Variants in CYP26A1 observed in about 807,000 individuals in gnomAD.
CYP26A1 encodes the protein cytochrome P450 family 26 subfamily A member 1, also known as cytochrome P450 26A1.
In CYP26A1, 46 loss-of-function variants were observed where a neutral mutation model predicts 47.4. The observed-to-expected ratio is 0.97, with a 90% confidence interval of 0.77 to 1.24. CYP26A1 has a LOEUF of 1.24. CYP26A1 is among the 50% of genes most tolerant of loss of function. The probability of loss-of-function intolerance (pLI) is 0.00; values close to 1 mark genes in which losing one functional copy is unlikely to be tolerated. For synonymous variants in CYP26A1, 277 were observed against 263.7 expected, an observed-to-expected ratio of 1.05 and a Z score of -0.49; for missense variants, 680 against 644.4, an observed-to-expected ratio of 1.06 and a Z score of -0.60.
In CYP26A1 at chr10:93,074,077, C is replaced by T. The variant is rs1310797023; in HGVS notation, c.143C>T (p.Thr48Ile). Residue 48 changes from threonine to isoleucine, a missense_variant, in exon 1 of 7, where the codon ACT becomes ATT. By Grantham distance (89) the Thr-to-Ile change is moderately conservative. Transcript: ENST00000224356. This position sits in a 1 kb window ranked among gnomAD's most constrained non-coding sequence, Gnocchi z 5.3. ...TGTGCCCTCCCATTGCCCCCCGGGA[C>T]TATGGGCTTCCCCTTCTTTGGGGAA... ...RSCALPLPPG[T>I]MGFPFFGETL... 1.3e-5 allele frequency: 19 copies of T among 1,435,402 alleles called. No individual in the cohort carries two copies. The highest frequency in any genetic ancestry group is 3.4e-5 in the East Asian group (1 of 29,690). 88.9% of individuals were successfully genotyped at this position (1,435,402 alleles called of 1,614,324 possible).
rs771381364 is a variant in CYP26A1, at chr10:93,074,901, C to G, written c.537C>G (p.Pro179=). The G allele has an allele frequency of 5.0e-6, 8 of 1,613,182 alleles. No individual in the cohort carries two copies. The highest frequency in any genetic ancestry group is 3.3e-5 in the South Asian group (3 of 91,088). ...SCGERGLLVY[P]EVKRLMFRIA... is the part of the protein sequence containing the mutation. ...GCGAGCGCGGCCTCCTGGTCTACCCCGAGGTGAAGCGCCTCATGTTCCGAA... is the reference window on the plus strand; with the variant it reads ...GCGAGCGCGGCCTCCTGGTCTACCCGGAGGTGAAGCGCCTCATGTTCCGAA... Residue 179 remains proline (P), a synonymous_variant, in exon 3 of 7, where the codon CCC becomes CCG. Transcript: ENST00000224356. This position sits in a 1 kb window ranked among gnomAD's most constrained non-coding sequence, Gnocchi z 5.3.
At position 93,074,394 on chromosome 10, in the gene CYP26A1, G is replaced by A; in HGVS notation, c.276G>A (p.Met92Ile). ...HLFGRPTVRVMGADNVRRILL... is the reference protein window; with the variant it reads ...HLFGRPTVRVIGADNVRRILL... ...TCGGGCGGCCCACCGTACGGGTGAT[G>A]GGCGCGGACAATGTGCGGCGCATCT... Residue 92 changes from methionine (M) to isoleucine (I), a missense_variant, in exon 2 of 7, where the codon ATG becomes ATA. Transcript: ENST00000224356. This position sits in a 1 kb window ranked among gnomAD's most constrained non-coding sequence, Gnocchi z 5.3. 6.2e-7 allele frequency: 1 copy of A among 1,611,844 alleles called. No individual in the cohort carries two copies. The highest frequency in any genetic ancestry group is 8.5e-7 in the Non-Finnish European group (1 of 1,178,600).
chr10:93,076,027 C>T, intron 5 of CYP26A1, 67 bp downstream of exon 5: 2 of 1,282,688 alleles, frequency 1.6e-6, no homozygotes, highest in Admixed American at 1.7e-5. Context: ...TAGCCAACTT[C>T]CGAATAAGTC....
At chr10:93,076,417 C>T (rs1196700445) in intron 5 of CYP26A1, 127 bp from the exon 6 acceptor site, 2 of 641,132 alleles carry the variant, frequency 3.1e-6, no homozygotes, top group Non-Finnish European at 5.5e-6. Context: ...TGCTGTTTCC[C>T]CCTCCCAGTC....
rs770636107 is a variant in CYP26A1 at position 93,075,148 on chromosome 10, G to A, written c.706-1G>A. 6.2e-7 allele frequency: 1 copy of A among 1,613,236 alleles called. No individual in the cohort carries two copies. Among genetic ancestry groups the A allele is most frequent in the East Asian group, 2.2e-5 (1 of 44,882 alleles). On this transcript the variant is annotated splice_acceptor_variant, in intron 3 of 6. Coordinates refer to ENST00000224356, the MANE Select transcript of CYP26A1 (RefSeq NM_000783.4). LOFTEE classifies it high-confidence loss of function. ...CACCGCCGCGCGCTCTCTGCGCTCA[G>A]GGCATGAAGGCGCGGAACCTCATTC... is the stretch of plus-strand genomic sequence containing the variant.
rs749467557 is a variant in CYP26A1, at chr10:93,075,143, G to T, written c.706-6G>T. On this transcript the variant is annotated splice_polypyrimidine_tract_variant and splice_region_variant and intron_variant, in intron 3 of 6. Coordinates refer to ENST00000224356, the MANE Select transcript of CYP26A1 (RefSeq NM_000783.4). Reference sequence around the variant, plus strand: ...CTGCTCACCGCCGCGCGCTCTCTGCGCTCAGGGCATGAAGGCGCGGAACCT... The same window carrying T: ...CTGCTCACCGCCGCGCGCTCTCTGCTCTCAGGGCATGAAGGCGCGGAACCT... 11 of 1,612,750 alleles carry T rather than the reference G, an allele frequency of 6.8e-6. No homozygotes were observed. Among genetic ancestry groups the T allele is most frequent in the South Asian group, 4.4e-5 (4 of 91,028 alleles).
In CYP26A1 at chr10:93,073,976, C is replaced by A; in HGVS notation, c.42C>A (p.Phe14Leu). The A allele has an allele frequency of 2.1e-6, 3 of 1,454,658 alleles. No homozygotes were observed. The highest frequency in any genetic ancestry group is 1.1e-5 in the South Asian group (1 of 87,934). The allele number at this position is 1,454,658 out of a possible 1,614,324, so 90.1% of individuals were successfully genotyped here. A position where few individuals can be genotyped will look rare whatever the true frequency, so the allele number is the denominator to read the frequency against. ...PALLASALCT[F>L]VLPLLLFLAA... ...TGCTGGCCAGTGCGCTCTGCACCTT[C>A]GTGCTGCCGCTGCTGCTCTTCCTGG... The change falls in exon 1 of 7, where the codon TTC (phenylalanine) becomes TTA (leucine). Residue 14 changes from phenylalanine to leucine, a missense_variant. Coordinates refer to ENST00000224356, the MANE Select transcript of CYP26A1 (RefSeq NM_000783.4).
Position 93,075,146 on chromosome 10 carries a change from C to A in CYP26A1, c.706-3C>A, listed in dbSNP as rs1846960213. Reference sequence around the variant, plus strand: ...CTCACCGCCGCGCGCTCTCTGCGCTCAGGGCATGAAGGCGCGGAACCTCAT... The same window carrying A: ...CTCACCGCCGCGCGCTCTCTGCGCTAAGGGCATGAAGGCGCGGAACCTCAT... On this transcript the variant is annotated splice_polypyrimidine_tract_variant and splice_region_variant and intron_variant, in intron 3 of 6. Transcript: ENST00000224356. 1 of 1,612,782 alleles carries A rather than the reference C, an allele frequency of 6.2e-7. No individual in the cohort carries two copies. Among genetic ancestry groups the A allele is most frequent in the Non-Finnish European group, 8.5e-7 (1 of 1,179,590 alleles).
Position 93,073,986 on chromosome 10 carries a change from C to T in CYP26A1, c.52C>T (p.Leu18=). The part of the protein sequence containing the change: ...ASALCTFVLP[L]LLFLAAIKLW... ...TGCGCTCTGCACCTTCGTGCTGCCG[C>T]TGCTGCTCTTCCTGGCTGCGATCAA... The change falls in exon 1 of 7, where the codon CTG becomes TTG. Residue 18 remains leucine (L), a synonymous_variant. Transcript: ENST00000224356. 6.5e-7 allele frequency: 1 copy of T among 1,532,450 alleles called. No homozygotes were observed. The highest frequency in any genetic ancestry group is 9.0e-7 in the Non-Finnish European group (1 of 1,107,816). 94.9% of individuals were successfully genotyped at this position (1,532,450 alleles called of 1,614,324 possible).
In CYP26A1 at chr10:93,077,423, C is replaced by G. The variant is rs543997650; in HGVS notation, c.*119C>G. 1.1e-5 allele frequency: 5 copies of G among 437,736 alleles called. No individual in the cohort carries two copies. Among genetic ancestry groups the G allele is most frequent in the Middle Eastern group, 4.9e-4 (1 of 2,028 alleles). The allele number at this position is 437,736 out of a possible 1,614,324, so 27.1% of individuals were successfully genotyped here. A position where few individuals can be genotyped will look rare whatever the true frequency, so the allele number is the denominator to read the frequency against. On this transcript the variant is annotated 3_prime_UTR_variant, in exon 7 of 7. Coordinates refer to ENST00000224356, the MANE Select transcript of CYP26A1 (RefSeq NM_000783.4). ...ATATTATAATATTTATGTGTTTTGA[C>G]TATACTACCACAATCTTTAAATATT...
rs757020975 is a variant in CYP26A1 at position 93,074,277 on chromosome 10, C to G, written c.190-31C>G. On this transcript the variant is annotated intron_variant, in intron 1 of 6. Transcript: ENST00000224356. The surrounding 1 kb of genome is among the most constrained non-coding windows in gnomAD (Gnocchi z 5.3). ...CGGCGCTCCCCGGCGCCCCCTCATG[C>G]CCACTTCTCTCCTCCGCCTTCCTCC... is the stretch of plus-strand genomic sequence containing the variant. 2.0e-6 allele frequency: 3 copies of G among 1,538,030 alleles called. No individual in the cohort carries two copies. Among genetic ancestry groups the G allele is most frequent in the South Asian group, 2.2e-5 (2 of 89,446 alleles).
chr10:93,076,773 ATTC>A (rs1389641270), intron 6 of CYP26A1, 77 bp downstream of exon 6: 8 of 1,154,776 alleles, frequency 6.9e-6, no homozygotes, highest in Non-Finnish European at 1.0e-5. Flanking sequence ...TGTGGCTGCA[ATTC>A]TTATGCTTTT....
In CYP26A1 at chr10:93,077,502, C is replaced by T. The variant is rs1197528260; in HGVS notation, c.*198C>T. 3.7e-5 allele frequency: 13 copies of T among 352,332 alleles called. No homozygotes were observed. In the East Asian group the frequency reaches 5.8e-4, roughly 16 times the overall value. 21.8% of individuals were successfully genotyped at this position (352,332 alleles called of 1,614,324 possible). On this transcript the variant is annotated 3_prime_UTR_variant, in exon 7 of 7. Transcript: ENST00000224356. ...TAAAGTAAAATTTGAAGGTACTTTT[C>T]TGGTATTTTAAGATTCCTGTTGGGT...
At chr10:93,075,705 C>T in intron 4 of CYP26A1, 121 bp from the exon 5 acceptor site, 2 of 736,774 alleles carry the variant, frequency 2.7e-6, no homozygotes, top group Non-Finnish European at 4.7e-6. Context: ...CCTTGACTTT[C>T]TGTCAGCAAA....
rs772646102 is a variant in CYP26A1 at position 93,074,548 on chromosome 10, G to A, written c.414+16G>A. Reference sequence around the variant, plus strand: ...GCGCAAGAAGGTGGGGGCAGGAGGCGACGGCTGGACAGGGAGGGGGACCCC... The same window carrying A: ...GCGCAAGAAGGTGGGGGCAGGAGGCAACGGCTGGACAGGGAGGGGGACCCC... On this transcript the variant is annotated intron_variant, in intron 2 of 6. Coordinates refer to ENST00000224356, the MANE Select transcript of CYP26A1 (RefSeq NM_000783.4). The surrounding 1 kb of genome is among the most constrained non-coding windows in gnomAD (Gnocchi z 5.3). 21 of 1,488,604 alleles carry A rather than the reference G, an allele frequency of 1.4e-5. No individual in the cohort carries two copies. Among genetic ancestry groups the A allele is most frequent in the Non-Finnish European group, 1.9e-5 (20 of 1,066,386 alleles). The allele number at this position is 1,488,604 out of a possible 1,614,324, so 92.2% of individuals were successfully genotyped here. A position where few individuals can be genotyped will look rare whatever the true frequency, so the allele number is the denominator to read the frequency against.
At chr10:93,075,428 A>C in intron 4 of CYP26A1, 121 bp downstream of exon 4, 1 of 871,392 alleles carries the variant, frequency 1.1e-6, no homozygotes, top group Non-Finnish European at 1.8e-6. Flanking sequence ...CGGCCGGCTC[A>C]GACTACAGCT....
At chr10:93,075,687 A>G in intron 4 of CYP26A1, 139 bp from the exon 5 acceptor site, 1 of 662,682 alleles carries the variant, frequency 1.5e-6, no homozygotes, top group Non-Finnish European at 2.7e-6. Flanking sequence ...GTTTAAAGAT[A>G]TTGCTTTCCT....
At chr10:93,073,728 G>T, upstream of CYP26A1, 1 of 546,212 alleles carries the variant, frequency 1.8e-6, no homozygotes, top group South Asian at 2.3e-5. Context: ...CTGCCTCGGC[G>T]CGGAACAAAC....
At position 93,073,998 on chromosome 10, in the gene CYP26A1, C is replaced by T. The variant is rs769031667; in HGVS notation, c.64C>T (p.Leu22=). The part of the protein sequence containing the change: ...CTFVLPLLLF[L]AAIKLWDLYC... ...CTTCGTGCTGCCGCTGCTGCTCTTC[C>T]TGGCTGCGATCAAGCTCTGGGACCT... Residue 22 remains leucine (L), a synonymous_variant, in exon 1 of 7, where the codon CTG becomes TTG. Transcript: ENST00000224356. The T allele has an allele frequency of 1.9e-6, 3 of 1,580,478 alleles. No individual in the cohort carries two copies. The highest frequency in any genetic ancestry group is 1.1e-5 in the South Asian group (1 of 90,416).
Sources: gnomAD v4.1 joint callset for allele counts on GRCh38, gnomAD v4.1.1 for gene constraint, Gnocchi (gnomAD v3.1) non-coding constraint, MANE v1.5 for transcripts, NCBI Gene and HGNC (gene_info 2026-07-23, HGNC 2026-07-21) for gene names.